The following SORCS3 variants were observed in gnomAD, a reference collection of about 807,000 sequenced individuals.
SORCS3 encodes sortilin related VPS10 domain containing receptor 3, also known as VPS10 domain-containing receptor SorCS3.
A neutral mutation model predicts 146.3 loss-of-function variants in SORCS3; 57 were observed. The ratio of observed to expected loss-of-function variants is 0.39; its 90% confidence interval spans 0.31 to 0.49. The LOEUF is 0.49. SORCS3 is among the 20% of genes least tolerant of loss of function. The pLI, the probability that SORCS3 is intolerant of heterozygous loss-of-function variation, is 0.92. For synonymous variants in SORCS3, 653 were observed against 618.5 expected (o/e 1.06, Z -0.83); for missense variants, 1,341 against 1,575.5 (o/e 0.85, Z 2.52).
intron 1 of SORCS3, among the ~76,000 whole-genome samples, chr10:104,693,336 C>A (rs1276249117): frequency 6.6e-6 from 1 of 152,128 alleles, no homozygotes; most frequent in Non-Finnish European, 1.5e-5. Flanking sequence ...TTTCAGCAAG[C>A]CACACCATGG....
intron 2 of SORCS3, among the ~76,000 whole-genome samples, chr10:104,843,138 A>G (rs1335960428): frequency 6.6e-6 from 1 of 152,180 alleles, no homozygotes; most frequent in Non-Finnish European, 1.5e-5. Flanking sequence ...GGGCCTGGCT[A>G]GAGAGATCAG....
intron 3 of SORCS3, among the ~76,000 whole-genome samples, chr10:104,976,089 A>C (rs2054895612): frequency 6.6e-6 from 1 of 152,250 alleles, no homozygotes; most frequent in African/African-American, 2.4e-5. Flanking sequence ...GAGCTTCTGC[A>C]CAGTGAAAGA....
chr10:104,781,027 G>A (rs770300160), intron 1 of SORCS3, among the ~76,000 whole-genome samples: 12 of 152,212 alleles, frequency 7.9e-5, no homozygotes, highest in Non-Finnish European at 1.2e-4. Flanking sequence ...GGTGGTAATA[G>A]ATGGAAAGTA....
intron 1 of SORCS3, among the ~76,000 whole-genome samples, chr10:104,842,222 T>C (rs2018149872): frequency 6.6e-6 from 1 of 152,204 alleles, no homozygotes; most frequent in Admixed American, 6.5e-5. Flanking sequence ...TGGGGGCAGG[T>C]GATACATGGT....
intron 5 of SORCS3, among the ~76,000 whole-genome samples, chr10:105,089,483 G>A (rs894735716): frequency 1.3e-5 from 2 of 152,286 alleles, no homozygotes; most frequent in East Asian, 3.9e-4. Context: ...AAGGCCAGGA[G>A]CAAGGTGTAG....
Position 105,262,323 on chromosome 10 carries a change from C to T in SORCS3, c.3444-8C>T, listed in dbSNP as rs751376938. On this transcript the variant is annotated splice_region_variant and splice_polypyrimidine_tract_variant and intron_variant, in intron 25 of 26. Coordinates refer to ENST00000369701, the MANE Select transcript of SORCS3 (RefSeq NM_014978.3). ...ATCTTAACCTGATTTTGCTCCTGTCCCATGTAGGAAAATCCCTTGGATTAA... is the reference window on the plus strand; with the variant it reads ...ATCTTAACCTGATTTTGCTCCTGTCTCATGTAGGAAAATCCCTTGGATTAA... The T allele has an allele frequency of 1.9e-6, 3 of 1,611,152 alleles. No homozygotes were observed. The highest frequency in any genetic ancestry group is 2.7e-5 in the African/African-American group (2 of 74,850).
intron 1 of SORCS3, among the ~76,000 whole-genome samples, chr10:104,655,346 G>A (rs1190185238): frequency 6.6e-6 from 1 of 151,806 alleles, no homozygotes; most frequent in Non-Finnish European, 1.5e-5. Flanking sequence ...ATGGGGGCTT[G>A]TTGTACAGAT....
At chr10:105,087,848 C>T (rs942090196) in intron 5 of SORCS3, among the ~76,000 whole-genome samples, 10 of 152,328 alleles carry the variant, frequency 6.6e-5, no homozygotes, top group African/African-American at 2.4e-4. Context: ...TCACCTGCGA[C>T]CTTTAAAAAA....
At chr10:105,180,874 G>T (rs926135320) in intron 14 of SORCS3, among the ~76,000 whole-genome samples, 11 of 152,124 alleles carry the variant, frequency 7.2e-5, no homozygotes, top group Non-Finnish European at 1.6e-4. Context: ...GCCAGATCAG[G>T]ATGGGTTCCC....
At chr10:105,000,319 T>C (rs1172215411) in intron 4 of SORCS3, among the ~76,000 whole-genome samples, 1 of 150,640 alleles carries the variant, frequency 6.6e-6, no homozygotes, top group Admixed American at 6.6e-5. Flanking sequence ...TATTTTTGTG[T>C]GGGTATACGT....
chr10:105,253,141 C>T (rs1169273936), intron 23 of SORCS3, among the ~76,000 whole-genome samples: 1 of 152,164 alleles, frequency 6.6e-6, no homozygotes, highest in Non-Finnish European at 1.5e-5. Flanking sequence ...TCTGACATCC[C>T]TGTGCCAGCT....
At position 105,031,794 on chromosome 10, in the gene SORCS3, C is replaced by G. The variant is rs574606255; in HGVS notation, c.955-11261C>G. 3.9e-5 allele frequency among the ~76,000 whole-genome samples: 6 copies of G among 152,362 alleles called. No homozygotes were observed. The East Asian group carries it at 9.6e-4, about 24-fold the overall frequency. On this transcript the variant is annotated intron_variant, in intron 4 of 26. Coordinates refer to ENST00000369701, the MANE Select transcript of SORCS3 (RefSeq NM_014978.3). ...TGCACCTGAAAACAGTTATAAACAT[C>G]TTTCCTTATTGTTCAGTCTTCTCTA...
Position 104,762,583 on chromosome 10 carries a change from C to T in SORCS3, c.628-80209C>T, listed in dbSNP as rs569842753. ...TGGCTCTGTGTCCCTGCCCAAATCT[C>T]ATCTCAAATTGTAATCCTAATGTGT... On this transcript the variant is annotated intron_variant, in intron 1 of 26. Transcript: ENST00000369701. Among the ~76,000 whole-genome samples, 121 of 152,284 alleles carry T rather than the reference C, an allele frequency of 7.9e-4. 1 individual carries two copies. The highest frequency in any genetic ancestry group is 6.8e-3 in the Middle Eastern group (2 of 294).
chr10:105,037,935 T>C (rs778227974), intron 4 of SORCS3, among the ~76,000 whole-genome samples: 13 of 152,212 alleles, frequency 8.5e-5, no homozygotes, highest in Admixed American at 2.6e-4. Flanking sequence ...AGCTATCAGA[T>C]GCTTTTCTCT....
chr10:104,982,735 A>C (rs1320447157), intron 4 of SORCS3, among the ~76,000 whole-genome samples: 5 of 152,206 alleles, frequency 3.3e-5, no homozygotes, highest in African/African-American at 4.8e-5. Context: ...CCATAGAAAC[A>C]CCAGGAGGTA....
At chr10:104,736,577 C>T (rs544158665) in intron 1 of SORCS3, among the ~76,000 whole-genome samples, 1 of 152,234 alleles carries the variant, frequency 6.6e-6, no homozygotes, top group South Asian at 2.1e-4. Context: ...TCAGCATCCC[C>T]CAACATCTAT....
At chr10:104,963,759 C>G (rs557238724) in intron 3 of SORCS3, among the ~76,000 whole-genome samples, 1 of 152,226 alleles carries the variant, frequency 6.6e-6, no homozygotes, top group African/African-American at 2.4e-5. Flanking sequence ...TTTTAAAGCC[C>G]TGAACCTGTT....
intron 7 of SORCS3, among the ~76,000 whole-genome samples, chr10:105,118,062 C>T (rs970300115): frequency 1.3e-5 from 2 of 152,106 alleles, no homozygotes; most frequent in African/African-American, 2.4e-5. Context: ...TCTCTGTTTA[C>T]TTCCTACCCT....
intron 7 of SORCS3, among the ~76,000 whole-genome samples, chr10:105,126,167 T>C (rs894246135): frequency 6.6e-6 from 1 of 152,298 alleles, no homozygotes; most frequent in Non-Finnish European, 1.5e-5. Context: ...CAGTGTCATA[T>C]ACTTTTTGTT....
Sources: gnomAD v4.1 joint callset for allele counts (sites outside exome capture counted in the v4.1 genomes callset) on GRCh38, gnomAD v4.1.1 for gene constraint, MANE v1.5 for transcripts, NCBI Gene and HGNC (gene_info 2026-07-23, HGNC 2026-07-21) for gene names.